AGXT: variants seen among roughly 807,000 people sequenced by gnomAD.
AGXT encodes the protein L-alanine: glyoxylate aminotransferase 1.
In AGXT, 41 loss-of-function variants were observed where a neutral mutation model predicts 46.9. The ratio of observed to expected loss-of-function variants is 0.88; its 90% CI spans 0.68 to 1.14. AGXT has a LOEUF of 1.14. AGXT is among the 50% of genes most tolerant of loss of function. The pLI is 0.00. For missense variants in AGXT, 525 were observed against 522.7 expected (o/e 1.00, Z -0.04); for synonymous variants, 244 against 227.9 (o/e 1.07, Z -0.64).
rs1013323665 is a variant in AGXT at position 240,878,893 on chromosome 2, C to T, written c.*72C>T. 3 of 1,441,380 alleles carry T rather than the reference C, an allele frequency of 2.1e-6. No individual in the cohort carries two copies. Among genetic ancestry groups the T allele is most frequent in the Non-Finnish European group, 2.8e-6 (3 of 1,055,430 alleles). 89.3% of individuals were successfully genotyped at this position (1,441,380 alleles called of 1,614,324 possible). A position where few individuals can be genotyped will look rare whatever the true frequency, so the allele number is the denominator to read the frequency against. The stretch of plus-strand genomic sequence containing the variant: ...CCCACCCTGAGGGATCAGGAGCAAA[C>T]AGACCCTGCAAGGTCCTCCAGGCCT... On this transcript the variant is annotated 3_prime_UTR_variant, in exon 11 of 11. Coordinates refer to ENST00000307503, the MANE Select transcript of AGXT (RefSeq NM_000030.3).
intron 7 of AGXT, 28 bp downstream of exon 7, chr2:240,875,232 G>C (rs368264150): frequency 6.4e-7 from 1 of 1,573,856 alleles, no homozygotes; most frequent in Admixed American, 1.7e-5. Context: ...TGGGAAGGTG[G>C]AGGGCGCTGG....
At chr2:240,871,137 C>T (rs1292889329) in intron 3 of AGXT, 2 of 619,982 alleles carry the variant, frequency 3.2e-6, no homozygotes, top group African/African-American at 3.6e-5. Flanking sequence ...GGGGCACCCT[C>T]CTCCATCTCT....
chr2:240,874,215 G>A (rs2059008411), intron 6 of AGXT, among the ~76,000 whole-genome samples, 153 bp downstream of exon 6: 1 of 152,256 alleles, frequency 6.6e-6, no homozygotes, highest in Admixed American at 6.5e-5. Flanking sequence ...GGAGGCCAAA[G>A]GCACTGCGTT....
chr2:240,871,887 G>A (rs779455708), intron 4 of AGXT, among the ~76,000 whole-genome samples: 10 of 152,250 alleles, frequency 6.6e-5, no homozygotes, highest in South Asian at 2.1e-4. Context: ...TGAGAAATGC[G>A]GACAGAGCCC....
intron 4 of AGXT, among the ~76,000 whole-genome samples, chr2:240,872,447 T>TGTAG (rs2058997199): frequency 1.5e-5 from 2 of 134,498 alleles, no homozygotes; most frequent in East Asian, 2.1e-4. Flanking sequence ...TTCGTGAACA[T>TGTAG]GCAGGAGGAG....
Position 240,868,945 on chromosome 2 carries a change from G to T in AGXT, c.80G>T (p.Gly27Val), listed in dbSNP as rs765405040. The change falls in exon 1 of 11, where the codon GGG becomes GTG. Residue 27 changes from glycine to valine, a missense_variant. Coordinates refer to ENST00000307503, the MANE Select transcript of AGXT (RefSeq NM_000030.3). ...PLSIPNQLLL[G>V]PGPSNLPPRI... ...TCCATCCCCAACCAGCTCCTGCTGG[G>T]GCCTGGTCCTTCCAACCTGCCTCCT... 2.5e-6 allele frequency: 4 copies of T among 1,613,288 alleles called. No homozygotes were observed. The highest frequency in any genetic ancestry group is 1.7e-4 in the Middle Eastern group (1 of 6,060).
intron 8 of AGXT, chr2:240,877,195 C>T: frequency 4.1e-6 from 2 of 490,142 alleles, no homozygotes; most frequent in South Asian, 3.4e-5. Flanking sequence ...CACCCTGAGC[C>T]CTGGCCCTGA....
chr2:240,869,255 G>A lies in AGXT; in HGVS notation c.251G>A (p.Cys84Tyr). ...LTLVISGSGH[C>Y]ALEAALVNVL... ...CTGGTCATCTCTGGCTCGGGACACT[G>A]TGCCCTGGAGGCCGCCCTGGTCAAT... is the stretch of plus-strand genomic sequence containing the variant. Residue 84 changes from cysteine (C) to tyrosine (Y), a missense_variant, in exon 2 of 11, where the codon TGT becomes TAT. Transcript: ENST00000307503. The A allele has an allele frequency of 1.2e-6, 2 of 1,613,874 alleles. No individual in the cohort carries two copies. The highest frequency in any genetic ancestry group is 4.5e-5 in the East Asian group (2 of 44,878).
In AGXT at chr2:240,871,375, G is replaced by T; in HGVS notation, c.450G>T (p.Leu150=). 1 of 1,595,444 alleles carries T rather than the reference G, an allele frequency of 6.3e-7. No individual in the cohort carries two copies. Among genetic ancestry groups the T allele is most frequent in the Non-Finnish European group, 8.5e-7 (1 of 1,171,598 alleles). ...GCCTGGCCCAGCACAAGCCAGTGCT[G>T]CTGTTCTTAACCCACGGGGAGTCGT... is the stretch of plus-strand genomic sequence containing the variant. The part of the protein sequence containing the change: ...EEGLAQHKPV[L]LFLTHGESST... Residue 150 remains leucine, a synonymous_variant, in exon 4 of 11, where the codon CTG becomes CTT. Transcript: ENST00000307503.
In AGXT at chr2:240,869,021, T is replaced by C. The variant is rs765607242; in HGVS notation, c.156T>C (p.Asp52=). The C allele has an allele frequency of 2.1e-6, 3 of 1,435,192 alleles. No individual in the cohort carries two copies. Among genetic ancestry groups the C allele is most frequent in the South Asian group, 1.2e-5 (1 of 82,184 alleles). 88.9% of individuals were successfully genotyped at this position (1,435,192 alleles called of 1,614,324 possible). A position where few individuals can be genotyped will look rare whatever the true frequency, so the allele number is the denominator to read the frequency against. The part of the protein sequence containing the change: ...GLQMIGSMSK[D]MYQIMDEIKE... The stretch of plus-strand genomic sequence containing the variant: ...AGATGATCGGGTCCATGAGCAAGGA[T>C]ATGTACCAGGTAGGAGTGGGGGTCA... Residue 52 remains aspartate, a synonymous_variant, in exon 1 of 11, where the codon GAT becomes GAC. Coordinates refer to ENST00000307503, the MANE Select transcript of AGXT (RefSeq NM_000030.3).
Position 240,879,030 on chromosome 2 carries a change from G to A in AGXT, c.*209G>A, listed in dbSNP as rs930734829. The A allele has an allele frequency of 4.7e-5, 29 of 611,470 alleles. No individual in the cohort carries two copies. The highest frequency in any genetic ancestry group is 1.9e-4 in the Admixed American group (7 of 37,218). 37.9% of individuals were successfully genotyped at this position (611,470 alleles called of 1,614,324 possible). A position where few individuals can be genotyped will look rare whatever the true frequency, so the allele number is the denominator to read the frequency against. On this transcript the variant is annotated 3_prime_UTR_variant, in exon 11 of 11. Coordinates refer to ENST00000307503, the MANE Select transcript of AGXT (RefSeq NM_000030.3). ...CCTCCTGGAAACAGTCCACTTGGGCGCAAAACCCAGTGCCTTCCAAATGAG... is the reference window on the plus strand; with the variant it reads ...CCTCCTGGAAACAGTCCACTTGGGCACAAAACCCAGTGCCTTCCAAATGAG...
chr2:240,877,120 C>G, intron 8 of AGXT: 1 of 369,104 alleles, frequency 2.7e-6, no homozygotes. Flanking sequence ...GAGGCAGGAG[C>G]AGTGCTGCGG....
intron 6 of AGXT, 86 bp downstream of exon 6, chr2:240,874,148 G>A (rs1051688600): frequency 7.7e-7 from 1 of 1,304,918 alleles, no homozygotes; most frequent in Admixed American, 1.8e-5. Flanking sequence ...GCGGGAGCCA[G>A]GCAGGAAGGG....
chr2:240,877,437 A>G, intron 8 of AGXT, 100 bp from the exon 9 acceptor site: 2 of 1,197,238 alleles, frequency 1.7e-6, no homozygotes, highest in South Asian at 2.7e-5. Context: ...CCCCTGCACC[A>G]AGGCCTGCAG....
At chr2:240,874,210 C>CCAAAGG (rs1391908995) in intron 6 of AGXT, 148 bp downstream of exon 6, 2 of 796,298 alleles carry the variant, frequency 2.5e-6, no homozygotes, top group African/African-American at 1.7e-5. Context: ...CTCTGGGAGG[C>CCAAAGG]CAAAGGCACT....
At position 240,874,060 on chromosome 2, in the gene AGXT, CAAGT is replaced by C. The variant is rs180177255; in HGVS notation, c.679_680+2del. ...CGCTCATCTCCTTCAGTGACAAGGC[CAAGT>C]GAGTGACCCACAGACCCTCACCTCT... On this transcript the variant is annotated splice_donor_variant and coding_sequence_variant, in exon 6 of 11. Transcript: ENST00000307503. LOFTEE classifies it high-confidence loss of function. The C allele has an allele frequency of 1.9e-6, 3 of 1,613,458 alleles. No homozygotes were observed. The East Asian group carries it at 6.7e-5, about 36-fold the overall frequency.
chr2:240,869,964 G>A (rs2058982978), intron 2 of AGXT, among the ~76,000 whole-genome samples: 2 of 152,178 alleles, frequency 1.3e-5, no homozygotes, highest in Admixed American at 1.3e-4. Context: ...ACAGCCAAGA[G>A]GGTCCCAACC....
Position 240,868,993 on chromosome 2 carries a change from T to A in AGXT, c.128T>A (p.Leu43Gln), listed in dbSNP as rs768181954. 108 of 1,497,708 alleles carry A rather than the reference T, an allele frequency of 7.2e-5. 2 individuals are homozygous for A. In the Admixed American group the frequency reaches 1.9e-3, roughly 27 times the overall value. The allele number at this position is 1,497,708 out of a possible 1,614,324, so 92.8% of individuals were successfully genotyped here. The change falls in exon 1 of 11, where the codon CTG becomes CAG. Residue 43 changes from leucine to glutamine, a missense_variant. By Grantham distance (113) the Leu-to-Gln change is moderately radical. Transcript: ENST00000307503. ...CCTCGCATCATGGCAGCCGGGGGGC[T>A]GCAGATGATCGGGTCCATGAGCAAG... The part of the protein sequence containing the change: ...LPPRIMAAGG[L>Q]QMIGSMSKDM...
intron 4 of AGXT, among the ~76,000 whole-genome samples, chr2:240,872,392 T>A (rs62189565): frequency 0.046 from 983 of 21,324 alleles, no homozygotes; most frequent in African/African-American, 0.07. Context: ...AACATGCAGG[T>A]GGAGGAGGGT....
Sources: allele counts gnomAD v4.1 joint callset (sites outside exome capture counted in the v4.1 genomes callset), GRCh38; gene constraint gnomAD v4.1.1; transcripts MANE v1.5; gene names NCBI Gene and HGNC (gene_info 2026-07-23, HGNC 2026-07-21).